The following SPAG9 variants were observed in gnomAD, a reference collection of about 807,000 sequenced individuals.
SPAG9 encodes sperm associated antigen 9.
SPAG9 carries 35 observed loss-of-function variants against 166.5 expected under a neutral mutation model. The ratio of observed to expected loss-of-function variants is 0.21; its 90% confidence interval spans 0.16 to 0.28. SPAG9 has a LOEUF of 0.28. SPAG9 is among the 10% of genes least tolerant of loss of function. The pLI is 1.00. For missense variants in SPAG9, 1,235 were observed against 1,603.3 expected, an observed-to-expected ratio of 0.77 and a Z score of 3.92; for synonymous variants, 534 against 565.5, an observed-to-expected ratio of 0.94 and a Z score of 0.79.
intron 2 of SPAG9, among the ~76,000 whole-genome samples, chr17:51,078,942 A>G (rs1185917637): frequency 2.0e-5 from 3 of 152,092 alleles, no homozygotes; most frequent in Non-Finnish European, 4.4e-5. Context: ...AGCTTTGTGT[A>G]CTTGATCAAA....
intron 20 of SPAG9, 81 bp downstream of exon 20, chr17:50,990,369 G>C: frequency 9.5e-7 from 1 of 1,050,398 alleles, no homozygotes; most frequent in South Asian, 1.3e-5. Flanking sequence ...TGTTACTTAA[G>C]ATCTAAATTA....
At chr17:51,072,715 TTAGA>T (rs557165986) in intron 2 of SPAG9, among the ~76,000 whole-genome samples, 236 of 152,028 alleles carry the variant, frequency 1.6e-3, no homozygotes, top group African/African-American at 5.5e-3. Flanking sequence ...CACATTAAGA[TTAGA>T]TAGCCCAGAT....
chr17:51,021,906 C>T lies in SPAG9; in HGVS notation c.784-541G>A, dbSNP rs1298703355. ...TTGGGAGGCCGAGGCAGGCGGATCA[C>T]GAGGTCAGGAGTTCGAGACCAGCCT... On this transcript the variant is annotated intron_variant, in intron 6 of 29. Coordinates refer to ENST00000262013, the MANE Select transcript of SPAG9 (RefSeq NM_001130528.3). Among the ~76,000 whole-genome samples, 6 of 152,028 alleles carry T rather than the reference C, an allele frequency of 3.9e-5. No homozygotes were observed. The East Asian group carries it at 9.7e-4, about 25-fold the overall frequency.
At chr17:51,056,323 T>C (rs1318014321) in intron 3 of SPAG9, 89 bp downstream of exon 3, 3 of 778,874 alleles carry the variant, frequency 3.9e-6, no homozygotes, top group Non-Finnish European at 6.5e-6. Flanking sequence ...TAAAAAATTC[T>C]GATTTTCAAA....
At position 51,115,691 on chromosome 17, in the gene SPAG9, G is replaced by A. The variant is rs542359242; in HGVS notation, c.303+4663C>T. Among the ~76,000 whole-genome samples the A allele has an allele frequency of 2.5e-4, 38 of 152,066 alleles. No individual in the cohort carries two copies. In the South Asian group the frequency reaches 7.7e-3, roughly 31 times the overall value. On this transcript the variant is annotated intron_variant, in intron 1 of 29. Coordinates refer to ENST00000262013, the MANE Select transcript of SPAG9 (RefSeq NM_001130528.3). ...ACTAAAAATACAAAATTAGCCAGGC[G>A]TGGTGGCGCATGCCTGTAATCCCAG...
chr17:51,073,627 G>A (rs2047887116), intron 2 of SPAG9, among the ~76,000 whole-genome samples: 1 of 152,006 alleles, frequency 6.6e-6, no homozygotes, highest in African/African-American at 2.4e-5. Flanking sequence ...CAGAAAAAGT[G>A]GGGGAATGTT....
rs1274930542 is a variant in SPAG9, at chr17:51,013,424, T to C, written c.1213+808A>G. Reference sequence around the variant, plus strand: ...ATAAAGGGCCAGACAGTAAATATTTTAGGCTTCAGATTTCAGTTGCCTACT... The same window carrying C: ...ATAAAGGGCCAGACAGTAAATATTTCAGGCTTCAGATTTCAGTTGCCTACT... On this transcript the variant is annotated intron_variant, in intron 9 of 29. Transcript: ENST00000262013. Among the ~76,000 whole-genome samples, 6 of 152,300 alleles carry C rather than the reference T, an allele frequency of 3.9e-5. No homozygotes were observed. The South Asian group carries it at 1.0e-3, about 26-fold the overall frequency.
intron 27 of SPAG9, among the ~76,000 whole-genome samples, chr17:50,976,441 C>T (rs1029950688): frequency 1.3e-5 from 2 of 152,136 alleles, no homozygotes; most frequent in Non-Finnish European, 2.9e-5. Context: ...TCTAGTCTTT[C>T]TCCCTCCTCT....
chr17:51,029,699 G>T (rs2046317624), intron 6 of SPAG9, among the ~76,000 whole-genome samples: 1 of 152,114 alleles, frequency 6.6e-6, no homozygotes, highest in Non-Finnish European at 1.5e-5. Context: ...TTTATGTGCG[G>T]TATTTAATAT....
At chr17:50,992,384 G>C (rs745364990) in intron 19 of SPAG9, among the ~76,000 whole-genome samples, 24 of 152,074 alleles carry the variant, frequency 1.6e-4, no homozygotes, top group Admixed American at 3.3e-4. Context: ...ATAATGTATT[G>C]TACTCTTAAA....
chr17:51,081,717 G>A (rs1362239281), intron 1 of SPAG9, among the ~76,000 whole-genome samples: 1 of 151,350 alleles, frequency 6.6e-6, no homozygotes, highest in African/African-American at 2.4e-5. Flanking sequence ...ACTCCAGCCT[G>A]AGCAACAAGA....
chr17:51,002,511 A>G (rs2044999957), intron 12 of SPAG9, among the ~76,000 whole-genome samples: 1 of 152,194 alleles, frequency 6.6e-6, no homozygotes, highest in South Asian at 2.1e-4. Flanking sequence ...GGCTGGACGC[A>G]GTGACTCACG....
intron 13 of SPAG9, among the ~76,000 whole-genome samples, chr17:51,001,319 A>C (rs1387914243): frequency 2.0e-5 from 3 of 152,240 alleles, no homozygotes; most frequent in Non-Finnish European, 4.4e-5. Context: ...GAACAGTTAG[A>C]AAAGAGAGAA....
intron 1 of SPAG9, among the ~76,000 whole-genome samples, chr17:51,117,280 C>T (rs1339819065): frequency 6.6e-6 from 1 of 152,190 alleles, no homozygotes; most frequent in East Asian, 1.9e-4. Flanking sequence ...TCTACATACC[C>T]ACCTAAGTTT....
Position 50,993,765 on chromosome 17 carries a change from T to C in SPAG9, c.2397A>G (p.Pro799=). The change falls in exon 19 of 30, where the codon CCA becomes CCG. Residue 799 remains proline, a splice_region_variant and synonymous_variant. Coordinates refer to ENST00000262013, the MANE Select transcript of SPAG9 (RefSeq NM_001130528.3). ...GAGAAACGCATGACTCACTCTTACC[T>C]GGCACACTTGCAATGCACAGAACAT... ...NSHVLCIASV[P]GARETDYPAG... The C allele has an allele frequency of 6.2e-7, 1 of 1,613,820 alleles. No individual in the cohort carries two copies. Among genetic ancestry groups the C allele is most frequent in the Middle Eastern group, 1.6e-4 (1 of 6,062 alleles).
At chr17:51,113,357 A>AAC (rs2049180326) in intron 1 of SPAG9, among the ~76,000 whole-genome samples, 1 of 149,678 alleles carries the variant, frequency 6.7e-6, no homozygotes, top group East Asian at 2.0e-4. Flanking sequence ...CCATATCAAA[A>AAC]AAAAAAAAAA....
In SPAG9 at chr17:51,104,932, CA is replaced by C. The variant is rs397856546; in HGVS notation, c.303+15421del. Among the ~76,000 whole-genome samples, 98 of 57,448 alleles carry C rather than the reference CA, an allele frequency of 1.7e-3. 7 individuals carry two copies. In the South Asian group the frequency reaches 0.021, roughly 12 times the overall value. The allele number at this position is 57,448 out of a possible 152,430, so 37.7% of individuals were successfully genotyped here. ...TGGGCGACAGAGCGAGACTCCGTCT[CA>C]AAAAAAAAAAAAATTAGCTGGGTGT... On this transcript the variant is annotated intron_variant, in intron 1 of 29. Transcript: ENST00000262013.
chr17:51,026,106 TAGAGA>T (rs1568014831), intron 6 of SPAG9, among the ~76,000 whole-genome samples: 1 of 152,106 alleles, frequency 6.6e-6, no homozygotes, highest in African/African-American at 2.4e-5. Flanking sequence ...CTCTTAAATA[TAGAGA>T]AATTATTTCT....
At chr17:50,996,868 G>A (rs532949439) in intron 15 of SPAG9, among the ~76,000 whole-genome samples, 174 bp from the exon 16 acceptor site, 13 of 152,318 alleles carry the variant, frequency 8.5e-5, no homozygotes, top group East Asian at 1.9e-4. Context: ...GGCCGGGCAC[G>A]GTGGCTCATG....
Sources: gnomAD v4.1 joint callset for allele counts (sites outside exome capture counted in the v4.1 genomes callset) on GRCh38, gnomAD v4.1.1 for gene constraint, MANE v1.5 for transcripts, NCBI Gene and HGNC (gene_info 2026-07-23, HGNC 2026-07-21) for gene names.